Variants in CYP3A7 observed in about 807,000 individuals in gnomAD.
The protein encoded by CYP3A7 is cytochrome P450 family 3 subfamily A member 7.
In CYP3A7, 45 loss-of-function variants were observed where a neutral mutation model predicts 55.2. The ratio of observed to expected loss-of-function variants is 0.82; its 90% CI spans 0.64 to 1.05. The LOEUF (loss-of-function observed/expected upper bound fraction) is 1.05. Ranked by LOEUF, CYP3A7 falls within the 50% of genes least tolerant of loss-of-function variation. The pLI, the probability that CYP3A7 is intolerant of heterozygous loss-of-function variation, is 0.00. For synonymous variants in CYP3A7, 180 were observed against 207.4 expected (o/e 0.87, Z 1.13); for missense variants, 548 against 605.3 (o/e 0.91, Z 0.99).
At position 99,705,451 on chromosome 7, in the gene CYP3A7, T is replaced by C; in HGVS notation, c.*49A>G. On this transcript the variant is annotated 3_prime_UTR_variant, in exon 13 of 13. Transcript: ENST00000336374. ...GTAAAGTAATTTGAGGTCTCTGGTG[T>C]TCTGGGGCACAGCTTTCTTAAAGAG... The C allele has an allele frequency of 1.3e-6, 2 of 1,595,920 alleles. No homozygotes were observed. The highest frequency in any genetic ancestry group is 1.7e-6 in the Non-Finnish European group (2 of 1,164,514).
In CYP3A7 at chr7:99,707,978, G is replaced by C; in HGVS notation, c.1254-4C>G. ...GTCCTTGTTCTTTTTACTGAACCTGGTTCCATATTGGTAGATATTTTAAAA... is the reference window on the plus strand; with the variant it reads ...GTCCTTGTTCTTTTTACTGAACCTGCTTCCATATTGGTAGATATTTTAAAA... On this transcript the variant is annotated splice_region_variant and splice_polypyrimidine_tract_variant and intron_variant, in intron 11 of 12. Transcript: ENST00000336374. 6.2e-7 allele frequency: 1 copy of C among 1,613,672 alleles called. No individual in the cohort carries two copies.
At chr7:99,709,881 T>C (rs1196640395) in intron 10 of CYP3A7, among the ~76,000 whole-genome samples, 1 of 152,148 alleles carries the variant, frequency 6.6e-6, no homozygotes, top group Non-Finnish European at 1.5e-5. Flanking sequence ...AAAATCTCTA[T>C]CAATAATTTG....
intron 2 of CYP3A7, among the ~76,000 whole-genome samples, chr7:99,729,533 AC>A (rs1420626420): frequency 1.3e-5 from 2 of 152,176 alleles, no homozygotes; most frequent in Non-Finnish European, 2.9e-5. Flanking sequence ...CCAAGCCTGC[AC>A]GTGTACATCC....
At position 99,709,189 on chromosome 7, in the gene CYP3A7, A is replaced by G. The variant is rs1673128804; in HGVS notation, c.1099T>C (p.Phe367Leu). The change falls in exon 11 of 13, where the codon TTC becomes CTC. Residue 367 changes from phenylalanine to leucine, a missense_variant. By Grantham distance (22) the Phe-to-Leu change is conservative. Transcript: ENST00000336374. ...CTCTCAAGTCTCATAGCAACTGGGA[A>G]TAATCTGAGTGTTTCATTCACCACC... ...DMVVNETLRL[F>L]PVAMRLERVC... is the part of the protein sequence containing the mutation. 1 of 1,614,046 alleles carries G rather than the reference A, an allele frequency of 6.2e-7. No homozygotes were observed. The highest frequency in any genetic ancestry group is 8.5e-7 in the Non-Finnish European group (1 of 1,179,940).
intron 1 of CYP3A7, among the ~76,000 whole-genome samples, chr7:99,732,374 A>G (rs1484984014): frequency 6.6e-6 from 1 of 152,064 alleles, no homozygotes; most frequent in Non-Finnish European, 1.5e-5. Flanking sequence ...TTCCTTTCTA[A>G]ATTACCCACC....
intron 3 of CYP3A7, among the ~76,000 whole-genome samples, chr7:99,721,551 T>C (rs1018114376): frequency 3.3e-5 from 5 of 152,186 alleles, no homozygotes; most frequent in African/African-American, 1.2e-4. Context: ...AGGCAGACAC[T>C]GGACAGAACG....
At position 99,714,456 on chromosome 7, in the gene CYP3A7, C is replaced by A. The variant is rs541727730; in HGVS notation, c.798+99G>T. The A allele has an allele frequency of 6.5e-4, 1,006 of 1,547,238 alleles. 1 individual carries two copies. Among genetic ancestry groups the A allele is most frequent in the Non-Finnish European group, 8.4e-4 (968 of 1,147,048 alleles). ...ACATAAGTACTCTTTATGTTAAAAT[C>A]TTTCTCTAAAAACATACAGGGAAGT... is the stretch of plus-strand genomic sequence containing the variant. On this transcript the variant is annotated intron_variant, in intron 8 of 12. Coordinates refer to ENST00000336374, the MANE Select transcript of CYP3A7 (RefSeq NM_000765.5).
At chr7:99,728,198 A>G (rs564671222) in intron 2 of CYP3A7, among the ~76,000 whole-genome samples, 5 of 152,288 alleles carry the variant, frequency 3.3e-5, no homozygotes, top group Non-Finnish European at 7.4e-5. Flanking sequence ...TCACAGGCCC[A>G]TTCTATTCTG....
chr7:99,714,701 A>G lies in CYP3A7; in HGVS notation c.671-19T>C, dbSNP rs185880957. The G allele has an allele frequency of 1.3e-3, 2,097 of 1,608,230 alleles. 2 individuals are homozygous for G. Among genetic ancestry groups the G allele is most frequent in the Admixed American group, 1.7e-3 (103 of 59,594 alleles). On this transcript the variant is annotated intron_variant, in intron 7 of 12. Transcript: ENST00000336374. ...AAGACTTCTGTAGAAAAAAAAAACC[A>G]ACAGAAAACGAAACCATTGTGAACA... is the stretch of plus-strand genomic sequence containing the variant.
intron 2 of CYP3A7, among the ~76,000 whole-genome samples, chr7:99,726,774 A>G (rs980141972): frequency 1.3e-5 from 2 of 152,098 alleles, no homozygotes; most frequent in African/African-American, 4.8e-5. Flanking sequence ...TCAACAAGAT[A>G]CCCTCCTGCT....
At chr7:99,709,788 G>GTGTA (rs547026731) in intron 10 of CYP3A7, among the ~76,000 whole-genome samples, 60 of 150,328 alleles carry the variant, frequency 4.0e-4, no homozygotes, top group East Asian at 1.6e-3. Flanking sequence ...GTGTGTGTGT[G>GTGTA]TATATATATA....
intron 1 of CYP3A7, among the ~76,000 whole-genome samples, chr7:99,731,979 A>ACTGGTGATATCCAC (rs1427100105): frequency 9.9e-5 from 15 of 152,206 alleles, no homozygotes; most frequent in African/African-American, 3.6e-4. Context: ...TAGCCTTCCA[A>ACTGGTGATATCCAC]CTGGTGATAT....
At chr7:99,707,218 C>A (rs558594510) in intron 12 of CYP3A7, among the ~76,000 whole-genome samples, 1 of 152,282 alleles carries the variant, frequency 6.6e-6, no homozygotes, top group East Asian at 1.9e-4. Flanking sequence ...GTAAGGATGG[C>A]CTTGGACTGT....
chr7:99,716,686 G>A (rs1813961608), intron 6 of CYP3A7, among the ~76,000 whole-genome samples: 1 of 152,044 alleles, frequency 6.6e-6, no homozygotes, highest in African/African-American at 2.4e-5. Context: ...CTCTCTTTGA[G>A]ACTGGAGGAA....
At chr7:99,722,455 C>T in intron 2 of CYP3A7, 107 bp from the exon 3 acceptor site, 2 of 1,378,774 alleles carry the variant, frequency 1.5e-6, no homozygotes, top group Non-Finnish European at 2.0e-6. Context: ...GACTTGCTGG[C>T]AGTTAGAGGA....
At chr7:99,713,847 G>A (rs1434692569) in intron 8 of CYP3A7, among the ~76,000 whole-genome samples, 1 of 152,200 alleles carries the variant, frequency 6.6e-6, no homozygotes, top group Non-Finnish European at 1.5e-5. Context: ...TGTCCACAAA[G>A]ATTATTCTCC....
chr7:99,715,566 A>C (rs1293310557), intron 7 of CYP3A7, 192 bp downstream of exon 7: 1 of 981,268 alleles, frequency 1.0e-6, no homozygotes, highest in East Asian at 2.8e-5. Flanking sequence ...TGATAGCTAA[A>C]CATGTATGAG....
chr7:99,712,507 A>G (rs1262370080), intron 9 of CYP3A7, among the ~76,000 whole-genome samples: 1 of 152,248 alleles, frequency 6.6e-6, no homozygotes, highest in African/African-American at 2.4e-5. Flanking sequence ...GCAGTGCTCA[A>G]TAGCTATATG....
At chr7:99,713,311 A>G (rs187774828) in intron 9 of CYP3A7, among the ~76,000 whole-genome samples, 158 bp downstream of exon 9, 1 of 152,246 alleles carries the variant, frequency 6.6e-6, no homozygotes, top group Non-Finnish European at 1.5e-5. Context: ...GCATGCCTCT[A>G]GAAGTTGCCT....
Sources: gnomAD v4.1 joint callset for allele counts (sites outside exome capture counted in the v4.1 genomes callset) on GRCh38, gnomAD v4.1.1 for gene constraint, MANE v1.5 for transcripts, NCBI Gene and HGNC (gene_info 2026-07-23, HGNC 2026-07-21) for gene names.